Variants in VLDLR observed in about 807,000 individuals in gnomAD.
VLDLR encodes the protein very low density lipoprotein receptor.
A neutral mutation model predicts 112.7 loss-of-function variants in VLDLR; 81 were observed. The observed-to-expected ratio is 0.72, with a 90% CI of 0.60 to 0.86. The LOEUF (loss-of-function observed/expected upper bound fraction) is 0.86. Ranked by LOEUF, VLDLR falls within the 40% of genes least tolerant of loss-of-function variation. The probability of loss-of-function intolerance (pLI) is 0.00; values close to 1 mark genes in which losing one functional copy is unlikely to be tolerated. For missense variants in VLDLR, 1,237 were observed against 1,099.4 expected, an observed-to-expected ratio of 1.13 and a Z score of -1.77; for synonymous variants, 436 against 384.8, an observed-to-expected ratio of 1.13 and a Z score of -1.56.
At chr9:2,633,102 G>A (rs1345502934) in intron 1 of VLDLR, among the ~76,000 whole-genome samples, 2 of 151,524 alleles carry the variant, frequency 1.3e-5, no homozygotes, top group African/African-American at 4.9e-5. Context: ...GAGAGAGAGG[G>A]AGTAAAACAC....
rs1818662224 is a variant in VLDLR, at chr9:2,657,915, T to C, written c.*4047T>C. Reference sequence around the variant, plus strand: ...CGAGTAAATATCCTAACAAGTATGATTTTTCTTGGGAAAACTAAAAATTGT... The same window carrying C: ...CGAGTAAATATCCTAACAAGTATGACTTTTCTTGGGAAAACTAAAAATTGT... On this transcript the variant is annotated 3_prime_UTR_variant, in exon 19 of 19. Transcript: ENST00000382100. The C allele has an allele frequency of 1.3e-5, 2 of 152,222 alleles. No homozygotes were observed. The highest frequency in any genetic ancestry group is 6.5e-5 in the Admixed American group (1 of 15,286). 9.4% of individuals were successfully genotyped at this position (152,222 alleles called of 1,614,324 possible). A position where few individuals can be genotyped will look rare whatever the true frequency, so the allele number is the denominator to read the frequency against.
chr9:2,629,969 T>G (rs1435515749), intron 1 of VLDLR, among the ~76,000 whole-genome samples: 1 of 152,186 alleles, frequency 6.6e-6, no homozygotes, highest in African/African-American at 2.4e-5. Flanking sequence ...AATTTTTGTA[T>G]TTTTAGCAGA....
chr9:2,635,340 C>T lies in VLDLR; in HGVS notation c.83-113C>T, dbSNP rs1022851117. ...CATCCTACTCTGGCCCTTAGGATGT[C>T]ATAGCCTGCCGAGTCTGCAGTATCC... On this transcript the variant is annotated intron_variant, in intron 1 of 18. Transcript: ENST00000382100. 5 of 1,547,838 alleles carry T rather than the reference C, an allele frequency of 3.2e-6. No homozygotes were observed. The African/African-American group carries it at 6.8e-5, about 21-fold the overall frequency.
At chr9:2,649,987 T>G (rs1818248604) in intron 14 of VLDLR, among the ~76,000 whole-genome samples, 2 of 152,174 alleles carry the variant, frequency 1.3e-5, no homozygotes, top group South Asian at 4.1e-4. Context: ...TTCCTTCCAC[T>G]TTGTTGGAGC....
intron 1 of VLDLR, among the ~76,000 whole-genome samples, chr9:2,634,452 A>G (rs1424444645): frequency 6.6e-6 from 1 of 152,220 alleles, no homozygotes; most frequent in Non-Finnish European, 1.5e-5. Flanking sequence ...TAAGGGCCAC[A>G]TCTGTGCCTT....
intron 9 of VLDLR, 60 bp from the exon 10 acceptor site, chr9:2,645,514 G>A: frequency 6.3e-7 from 1 of 1,596,940 alleles, no homozygotes; most frequent in Non-Finnish European, 8.6e-7. Flanking sequence ...GGAGGAGGTG[G>A]TTTAGAAAGA....
chr9:2,640,601 C>T (rs896748837), intron 3 of VLDLR, among the ~76,000 whole-genome samples: 1 of 152,088 alleles, frequency 6.6e-6, no homozygotes. Flanking sequence ...AAATTGAGAT[C>T]ACACGAATGT....
intron 1 of VLDLR, 109 bp downstream of exon 1, chr9:2,622,380 C>T (rs1816846525): frequency 7.3e-6 from 7 of 963,360 alleles, no homozygotes; most frequent in Non-Finnish European, 9.9e-6. Context: ...AGGCGCCTCT[C>T]GGTTCTCCTC....
chr9:2,645,338 C>G (rs1211702693), intron 9 of VLDLR, among the ~76,000 whole-genome samples: 1 of 152,202 alleles, frequency 6.6e-6, no homozygotes, highest in Admixed American at 6.5e-5. Flanking sequence ...GAGTCCAACT[C>G]AAACAAGTGA....
chr9:2,637,255 T>C (rs1184991796), intron 2 of VLDLR, among the ~76,000 whole-genome samples: 1 of 152,224 alleles, frequency 6.6e-6, no homozygotes, highest in Non-Finnish European at 1.5e-5. Context: ...ATTTTTAGTC[T>C]AACCTCTTAA....
rs1397413186 is a variant in VLDLR, at chr9:2,635,573, G to GT, written c.202+2dup. Reference sequence around the variant, plus strand: ...GACGGCAGTGATGAAAAGAACTGTGGTAAGTAAAGAGTTTGATGACTTATG... The same window carrying GT: ...GACGGCAGTGATGAAAAGAACTGTGGTTAAGTAAAGAGTTTGATGACTTATG... On this transcript the variant is annotated splice_donor_variant, in intron 2 of 18. Coordinates refer to ENST00000382100, the MANE Select transcript of VLDLR (RefSeq NM_003383.5). LOFTEE classifies it high-confidence loss of function. The GT allele has an allele frequency of 6.2e-7, 1 of 1,613,986 alleles. No individual in the cohort carries two copies. Among genetic ancestry groups the GT allele is most frequent in the Non-Finnish European group, 8.5e-7 (1 of 1,179,858 alleles).
intron 7 of VLDLR, 24 bp from the exon 8 acceptor site, chr9:2,644,710 G>A (rs1340942577): frequency 6.2e-6 from 10 of 1,613,812 alleles, no homozygotes; most frequent in Non-Finnish European, 8.5e-6. Flanking sequence ...AAGTTGTCAA[G>A]TGACTACTAC....
chr9:2,644,304 GCC>G (rs1230237091), intron 7 of VLDLR, among the ~76,000 whole-genome samples: 1 of 147,876 alleles, frequency 6.8e-6, no homozygotes, highest in Non-Finnish European at 1.5e-5. Flanking sequence ...GACTATAGGC[GCC>G]CACCACCACG....
At position 2,626,995 on chromosome 9, in the gene VLDLR, A is replaced by T. The variant is rs149640174; in HGVS notation, c.82+4724A>T. ...TGGTCATCTTTGTGCATCTTCTGGA[A>T]ACCACTTAATGTACATCTACTGAGT... On this transcript the variant is annotated intron_variant, in intron 1 of 18. Transcript: ENST00000382100. Among the ~76,000 whole-genome samples, 354 of 152,310 alleles carry T rather than the reference A, an allele frequency of 2.3e-3. 1 individual carries two copies. Among genetic ancestry groups the T allele is most frequent in the African/African-American group, 8.0e-3 (333 of 41,566 alleles).
intron 4 of VLDLR, among the ~76,000 whole-genome samples, chr9:2,642,731 G>T (rs1563757427): frequency 6.6e-6 from 1 of 152,204 alleles, no homozygotes; most frequent in Non-Finnish European, 1.5e-5. Context: ...ACCTCTTTTG[G>T]TGACAAAGTC....
rs1563750196 is a variant in VLDLR at position 2,633,074 on chromosome 9, G to GTC, written c.83-2378_83-2377insCT. On this transcript the variant is annotated intron_variant, in intron 1 of 18. Coordinates refer to ENST00000382100, the MANE Select transcript of VLDLR (RefSeq NM_003383.5). The stretch of plus-strand genomic sequence containing the variant: ...AGAGTGTGTGTGTGTGTGTGTGTGT[G>GTC]TGTGTGTGTGTGTGGTTGAGAGAGA... 1.2e-4 allele frequency among the ~76,000 whole-genome samples: 18 copies of GTC among 150,400 alleles called. 1 individual carries two copies. The highest frequency in any genetic ancestry group is 4.5e-4 in the African/African-American group (18 of 40,042).
chr9:2,632,276 C>T (rs1817382552), intron 1 of VLDLR, among the ~76,000 whole-genome samples: 1 of 152,166 alleles, frequency 6.6e-6, no homozygotes, highest in Non-Finnish European at 1.5e-5. Context: ...TGTGGCCTTT[C>T]CCTCCACTTC....
chr9:2,642,952 T>G (rs1185441373), intron 4 of VLDLR, among the ~76,000 whole-genome samples: 2 of 152,220 alleles, frequency 1.3e-5, no homozygotes, highest in Non-Finnish European at 2.9e-5. Context: ...CTTGGTTCTT[T>G]ATTTCTGTTC....
chr9:2,624,501 G>A (rs1276112035), intron 1 of VLDLR, among the ~76,000 whole-genome samples: 1 of 152,180 alleles, frequency 6.6e-6, no homozygotes, highest in Non-Finnish European at 1.5e-5. Context: ...CAATTCCTGG[G>A]GGTTCTGGGA....
Sources: allele counts gnomAD v4.1 joint callset (sites outside exome capture counted in the v4.1 genomes callset), GRCh38; gene constraint gnomAD v4.1.1; transcripts MANE v1.5; gene names NCBI Gene and HGNC (gene_info 2026-07-23, HGNC 2026-07-21).